The following DCC variants were observed in gnomAD, a reference collection of about 807,000 sequenced individuals.
The protein encoded by DCC is DCC netrin 1 receptor, also known as netrin receptor DCC.
Under a neutral mutation model 172.5 loss-of-function variants are expected in DCC, and 58 were observed. The observed-to-expected ratio is 0.34, with a 90% CI of 0.27 to 0.42. DCC has a LOEUF of 0.42. Ranked by LOEUF, DCC falls within the 10% of genes least tolerant of loss-of-function variation. The pLI, the probability that DCC is intolerant of heterozygous loss-of-function variation, is 1.00. For synonymous variants in DCC, 709 were observed against 644.5 expected (o/e 1.10, Z -1.52); for missense variants, 1,740 against 1,791.0 (o/e 0.97, Z 0.51).
At chr18:52,655,130 T>G (rs144716685) in intron 1 of DCC, among the ~76,000 whole-genome samples, 37 of 151,802 alleles carry the variant, frequency 2.4e-4, no homozygotes, top group African/African-American at 7.5e-4. Flanking sequence ...ATTTATGTAT[T>G]TTTTTTTAAG....
At chr18:53,199,079 CT>C (rs5824997) in intron 9 of DCC, among the ~76,000 whole-genome samples, 60,078 of 140,274 alleles carry the variant, frequency 0.43, 12,728 homozygotes, top group East Asian at 0.71. Context: ...TTTTCTTTTT[CT>C]TTTTTTTTTT....
At chr18:52,543,714 G>A (rs1454664733) in intron 1 of DCC, among the ~76,000 whole-genome samples, 1 of 152,124 alleles carries the variant, frequency 6.6e-6, no homozygotes, top group African/African-American at 2.4e-5. Flanking sequence ...CCTCTGAACA[G>A]ATAAAAACCA....
At chr18:52,520,279 T>C (rs2031771387) in intron 1 of DCC, among the ~76,000 whole-genome samples, 1 of 152,286 alleles carries the variant, frequency 6.6e-6, no homozygotes, top group Admixed American at 6.5e-5. Context: ...GTCAAGACAT[T>C]TCCTATGAAT....
chr18:53,347,207 G>C (rs551596447), intron 15 of DCC, among the ~76,000 whole-genome samples: 19 of 152,260 alleles, frequency 1.2e-4, no homozygotes, highest in African/African-American at 4.6e-4. Flanking sequence ...ACAGTACTGG[G>C]GTGCTTTCCA....
chr18:52,793,791 C>T (rs189278907), intron 2 of DCC, among the ~76,000 whole-genome samples: 1 of 152,238 alleles, frequency 6.6e-6, no homozygotes, highest in Non-Finnish European at 1.5e-5. Context: ...AACTCTTTAA[C>T]CATTTTGAGT....
At chr18:53,343,100 A>C (rs2057681342) in intron 15 of DCC, among the ~76,000 whole-genome samples, 1 of 151,726 alleles carries the variant, frequency 6.6e-6, no homozygotes, top group Non-Finnish European at 1.5e-5. Context: ...CTGTTTAATC[A>C]AACATATCTA....
chr18:52,569,780 T>C (rs561036419), intron 1 of DCC, among the ~76,000 whole-genome samples: 141 of 152,302 alleles, frequency 9.3e-4, no homozygotes, highest in Non-Finnish European at 1.7e-3. Context: ...ATTAACCATT[T>C]ATGTTATAGC....
At chr18:52,546,269 G>A (rs928745631) in intron 1 of DCC, among the ~76,000 whole-genome samples, 2 of 152,092 alleles carry the variant, frequency 1.3e-5, no homozygotes, top group Admixed American at 1.3e-4. Flanking sequence ...AATAGGAGTG[G>A]TGTTGATGGG....
chr18:53,243,563 C>T (rs2056330543), intron 12 of DCC, among the ~76,000 whole-genome samples: 1 of 152,076 alleles, frequency 6.6e-6, no homozygotes. Flanking sequence ...TTAGTTTAAT[C>T]AAAGGATGTA....
At chr18:52,367,636 G>C (rs1287266509) in intron 1 of DCC, among the ~76,000 whole-genome samples, 1 of 152,068 alleles carries the variant, frequency 6.6e-6, no homozygotes, top group South Asian at 2.1e-4. Context: ...TACTGATGAT[G>C]GTGTTTGTGT....
intron 12 of DCC, 40 bp from the exon 13 acceptor site, chr18:53,305,534 CCTTT>C (rs751709910): frequency 8.0e-5 from 123 of 1,543,692 alleles, no homozygotes; most frequent in Non-Finnish European, 4.8e-5. Context: ...GTCCCATTGT[CCTTT>C]CTTTCTTCAA....
chr18:52,561,552 A>T (rs531838741), intron 1 of DCC, among the ~76,000 whole-genome samples: 182 of 152,242 alleles, frequency 1.2e-3, no homozygotes, highest in African/African-American at 4.3e-3. Flanking sequence ...CATACTTTAA[A>T]TATTATGAGT....
chr18:52,343,300 C>T (rs1983739161), intron 1 of DCC, among the ~76,000 whole-genome samples: 1 of 152,120 alleles, frequency 6.6e-6, no homozygotes, highest in African/African-American at 2.4e-5. Flanking sequence ...TAGGAGGTGC[C>T]CTTAATAAGG....
chr18:53,460,856 A>T (rs1409890743), intron 24 of DCC, among the ~76,000 whole-genome samples: 1 of 152,152 alleles, frequency 6.6e-6, no homozygotes, highest in Non-Finnish European at 1.5e-5. Context: ...GAATCGCCAC[A>T]CTGACTTCCA....
chr18:53,282,595 C>A (rs1162231299), intron 12 of DCC, among the ~76,000 whole-genome samples: 1 of 152,056 alleles, frequency 6.6e-6, no homozygotes, highest in Non-Finnish European at 1.5e-5. Context: ...TATACTGAAG[C>A]ATTATAGGAG....
intron 12 of DCC, among the ~76,000 whole-genome samples, chr18:53,224,681 G>A (rs961179835): frequency 8.5e-5 from 13 of 152,172 alleles, no homozygotes; most frequent in African/African-American, 3.1e-4. Context: ...CAACAAAATT[G>A]GTTATTGGAT....
intron 2 of DCC, among the ~76,000 whole-genome samples, chr18:52,857,121 G>T (rs2039068187): frequency 2.6e-5 from 4 of 152,038 alleles, no homozygotes; most frequent in Admixed American, 2.0e-4. Context: ...GAAAAAAAAT[G>T]GTAAAAAAAT....
At chr18:52,983,225 T>A (rs1263517473) in intron 5 of DCC, among the ~76,000 whole-genome samples, 1 of 152,150 alleles carries the variant, frequency 6.6e-6, no homozygotes, top group African/African-American at 2.4e-5. Context: ...GAGTTAAGAC[T>A]TGAAAGCAAC....
chr18:53,098,701 T>C (rs1023792436), intron 7 of DCC, among the ~76,000 whole-genome samples: 1 of 152,162 alleles, frequency 6.6e-6, no homozygotes, highest in African/African-American at 2.4e-5. Flanking sequence ...AAAGTTACTT[T>C]GCCCCCCTTT....
Sources: allele counts gnomAD v4.1 joint callset (sites outside exome capture counted in the v4.1 genomes callset), GRCh38; gene constraint gnomAD v4.1.1; transcripts MANE v1.5; gene names NCBI Gene and HGNC (gene_info 2026-07-23, HGNC 2026-07-21).